HDX: variants seen among roughly 807,000 people sequenced by gnomAD.
HDX encodes highly divergent homeobox.
In HDX, 19 loss-of-function variants were observed where a neutral mutation model predicts 45.2. The ratio of observed to expected loss-of-function variants is 0.42; its 90% CI spans 0.29 to 0.62. The LOEUF (loss-of-function observed/expected upper bound fraction) is 0.62, where lower values mean the gene tolerates loss of function less well. HDX is among the 20% of genes least tolerant of loss of function. HDX has a pLI of 0.20. For missense variants in HDX, 532 were observed against 493.9 expected (o/e 1.08, Z -0.73); for synonymous variants, 188 against 172.8 (o/e 1.09, Z -0.69).
intron 2 of HDX, among the ~76,000 whole-genome samples, chrX:84,477,328 C>T (rs761369582): frequency 2.7e-5 from 3 of 111,863 alleles, no homozygotes; most frequent in South Asian, 7.4e-4. Flanking sequence ...TGAGTGATCA[C>T]CAAGTGTGAT....
chrX:84,400,487 G>A (rs1265505193), intron 5 of HDX, among the ~76,000 whole-genome samples: 20 of 108,932 alleles, frequency 1.8e-4, no homozygotes, highest in African/African-American at 6.7e-4. Flanking sequence ...CTAGGAATAC[G>A]TCTAACAAGG....
At chrX:84,384,362 A>AT (rs1229188354) in intron 5 of HDX, among the ~76,000 whole-genome samples, 1 of 109,535 alleles carries the variant, frequency 9.1e-6, no homozygotes. Flanking sequence ...GTCTTTGCCC[A>AT]TTTTGTATTG....
chrX:84,380,774 G>A (rs1041222642), intron 5 of HDX, among the ~76,000 whole-genome samples: 3 of 110,715 alleles, frequency 2.7e-5, no homozygotes, highest in African/African-American at 9.8e-5. Context: ...CATATTGAAC[G>A]GGAAGAAATG....
At chrX:84,326,414 A>G in intron 9 of HDX, 114 bp from the exon 10 acceptor site, 1 of 529,264 alleles carries the variant, frequency 1.9e-6, no homozygotes, top group Non-Finnish European at 3.0e-6. Context: ...AATAAAGAAA[A>G]CAAAATGTTA....
In HDX at chrX:84,333,820, T is replaced by C; in HGVS notation, c.1763A>G (p.Glu588Gly). 2 of 952,591 alleles carry C rather than the reference T, an allele frequency of 2.1e-6. No individual in the cohort carries two copies. Among genetic ancestry groups the C allele is most frequent in the South Asian group, 2.1e-5 (1 of 47,192 alleles). 78.5% of individuals were successfully genotyped at this position (952,591 alleles called of 1,213,427 possible). Residue 588 changes from glutamate (E) to glycine (G), a missense_variant, in exon 9 of 11, where the codon GAA (glutamate) becomes GGA (glycine). This residue lies in a region of HDX where 151 missense variants were observed against 131.8 expected (regional missense o/e 1.15). Coordinates refer to ENST00000373177, the MANE Select transcript of HDX (RefSeq NM_001177479.2). ...AGAATTACTTATCATGTCACTTTCT[T>C]CATCATCAATAATTTCTATTTTCTG... ...DNVKIEIIDD[E>G]ESDMISNSEV...
At chrX:84,489,187 T>C (rs2040849074) in intron 1 of HDX, among the ~76,000 whole-genome samples, 1 of 111,467 alleles carries the variant, frequency 9.0e-6, no homozygotes, top group Admixed American at 9.6e-5. Flanking sequence ...CCTTTTACTC[T>C]AGTGATGATC....
At chrX:84,352,901 G>T (rs1355029611) in intron 6 of HDX, among the ~76,000 whole-genome samples, 1 of 110,946 alleles carries the variant, frequency 9.0e-6, no homozygotes, top group African/African-American at 3.3e-5. Flanking sequence ...GGTATGAGCA[G>T]AAGGAGGAAA....
At chrX:84,388,658 C>T (rs946709108) in intron 5 of HDX, among the ~76,000 whole-genome samples, 6 of 111,601 alleles carry the variant, frequency 5.4e-5, no homozygotes, top group Admixed American at 2.9e-4. Context: ...GTTTGGTTTA[C>T]GTCTTTCTTA....
At chrX:84,370,396 T>C (rs1172574177) in intron 5 of HDX, among the ~76,000 whole-genome samples, 1 of 112,073 alleles carries the variant, frequency 8.9e-6, no homozygotes, top group Non-Finnish European at 1.9e-5. Flanking sequence ...ATCCAATCTA[T>C]GAGTTCTGTT....
intron 5 of HDX, among the ~76,000 whole-genome samples, chrX:84,428,435 C>T (rs971691407): frequency 1.8e-5 from 2 of 110,998 alleles, no homozygotes; most frequent in East Asian, 5.7e-4. Flanking sequence ...ATTCCCATCC[C>T]TAGCCCCAGA....
At chrX:84,413,728 C>A (rs1170423324) in intron 5 of HDX, among the ~76,000 whole-genome samples, 3 of 111,631 alleles carry the variant, frequency 2.7e-5, no homozygotes, top group Non-Finnish European at 5.6e-5. Flanking sequence ...GACTTCATTG[C>A]ATTTTTGTGG....
At chrX:84,330,074 T>C (rs1345472931) in intron 9 of HDX, among the ~76,000 whole-genome samples, 1 of 111,623 alleles carries the variant, frequency 9.0e-6, no homozygotes, top group Non-Finnish European at 1.9e-5. Context: ...CACCACAAAA[T>C]ATGGTATCTG....
chrX:84,371,596 T>A (rs923685590), intron 5 of HDX, among the ~76,000 whole-genome samples: 1 of 111,845 alleles, frequency 8.9e-6, no homozygotes, highest in Non-Finnish European at 1.9e-5. Flanking sequence ...TTAGATATTA[T>A]ACATTTCTGT....
intron 2 of HDX, among the ~76,000 whole-genome samples, chrX:84,480,040 G>T (rs1343640617): frequency 9.0e-6 from 1 of 111,179 alleles, no homozygotes; most frequent in Non-Finnish European, 1.9e-5. Context: ...TTTTACTAGA[G>T]ATTTATAGTT....
chrX:84,490,202 G>A (rs988051967), intron 1 of HDX, among the ~76,000 whole-genome samples: 16 of 109,997 alleles, frequency 1.5e-4, no homozygotes, highest in African/African-American at 5.3e-4. Context: ...CTAACATTTG[G>A]TTTCATTGCA....
At chrX:84,390,452 TA>T (rs1469979954) in intron 5 of HDX, among the ~76,000 whole-genome samples, 2 of 111,755 alleles carry the variant, frequency 1.8e-5, no homozygotes, top group African/African-American at 3.3e-5. Context: ...AAAATTTGCT[TA>T]GCTTTTAGCT....
At chrX:84,438,322 T>A (rs906364556) in intron 5 of HDX, among the ~76,000 whole-genome samples, 1 of 111,856 alleles carries the variant, frequency 8.9e-6, no homozygotes, top group Non-Finnish European at 1.9e-5. Context: ...TGGCCAATAC[T>A]GAAGTCCTAG....
In HDX at chrX:84,468,868, C is replaced by G. The variant is rs908528019; in HGVS notation, c.855G>C (p.Lys285Asn). 3 of 1,209,602 alleles carry G rather than the reference C, an allele frequency of 2.5e-6. No individual in the cohort carries two copies. The African/African-American group carries it at 5.2e-5, about 21-fold the overall frequency. The change falls in exon 4 of 11, where the codon AAG (lysine) becomes AAC (asparagine). Residue 285 changes from lysine (K) to asparagine (N), a missense_variant. Coordinates refer to ENST00000373177, the MANE Select transcript of HDX (RefSeq NM_001177479.2). Reference sequence around the variant, plus strand: ...AACAATTTCCTTCTGCTGAGCTAGGCTTCTGTGGGGCATTTCCTCCCAGAA... The same window carrying G: ...AACAATTTCCTTCTGCTGAGCTAGGGTTCTGTGGGGCATTTCCTCCCAGAA... ...QRILGGNAPQKPSSAEGNCLS... is the reference protein window; with the variant it reads ...QRILGGNAPQNPSSAEGNCLS...
chrX:84,459,016 G>T (rs2040175465), intron 4 of HDX, among the ~76,000 whole-genome samples: 1 of 111,943 alleles, frequency 8.9e-6, no homozygotes, highest in African/African-American at 3.2e-5. Context: ...TTCAGAAAAT[G>T]GAATTATATC....
Sources: gnomAD v4.1 joint callset for allele counts (sites outside exome capture counted in the v4.1 genomes callset) on GRCh38, gnomAD v4.1.1 for gene constraint, gnomAD v4.1.1 regional missense constraint, MANE v1.5 for transcripts, NCBI Gene and HGNC (gene_info 2026-07-23, HGNC 2026-07-21) for gene names.